Variants in ADAMTS2 observed in about 807,000 individuals in gnomAD.
The protein encoded by ADAMTS2 is A disintegrin and metalloproteinase with thrombospondin motifs 2.
Under a neutral mutation model 123.0 loss-of-function variants are expected in ADAMTS2, and 50 were observed. That is an observed-to-expected ratio of 0.41 (90% CI 0.32 to 0.51). The LOEUF is 0.51. Ranked by LOEUF, ADAMTS2 falls within the 20% of genes least tolerant of loss-of-function variation. ADAMTS2 has a pLI of 0.35. For missense variants in ADAMTS2, 1,494 were observed against 1,705.2 expected (o/e 0.88, Z 2.18); for synonymous variants, 678 against 695.4 (o/e 0.98, Z 0.39).
At chr5:179,318,088 GC>G (rs1291628076) in intron 2 of ADAMTS2, among the ~76,000 whole-genome samples, 1 of 152,120 alleles carries the variant, frequency 6.6e-6, no homozygotes, top group East Asian at 1.9e-4. Context: ...TAGCAAAGAG[GC>G]CCCCCTTGGA....
chr5:179,202,022 C>A lies in ADAMTS2; in HGVS notation c.891+5491G>T, dbSNP rs1358733059. On this transcript the variant is annotated intron_variant, in intron 4 of 21. Transcript: ENST00000251582. This position sits in a 1 kb window ranked among gnomAD's most constrained non-coding sequence, Gnocchi z 4.0. ...CATTTCCAAGCCGCTTCCCTTCTGG[C>A]AAGTCTGAGATGAAAAGGGCAGCTT... Among the ~76,000 whole-genome samples, 1 of 152,132 alleles carries A rather than the reference C, an allele frequency of 6.6e-6. No individual in the cohort carries two copies. The highest frequency in any genetic ancestry group is 1.9e-4 in the East Asian group (1 of 5,200).
intron 3 of ADAMTS2, among the ~76,000 whole-genome samples, chr5:179,207,965 G>A (rs1400709829): frequency 2.6e-5 from 4 of 152,160 alleles, no homozygotes; most frequent in African/African-American, 9.7e-5. Context: ...GCCCCTGGTG[G>A]CAACCCCAGC....
intron 3 of ADAMTS2, among the ~76,000 whole-genome samples, chr5:179,254,469 G>C (rs976162766): frequency 2.0e-5 from 3 of 152,166 alleles, no homozygotes; most frequent in Non-Finnish European, 4.4e-5. Context: ...GATGATGGCT[G>C]CACAACACTG....
At chr5:179,166,583 C>T (rs140623120) in intron 5 of ADAMTS2, among the ~76,000 whole-genome samples, 3 of 149,488 alleles carry the variant, frequency 2.0e-5, no homozygotes, top group South Asian at 2.1e-4. Context: ...TTAGGGGGCC[C>T]GTGGGCCTTG....
chr5:179,343,612 C>A (rs1232287885), intron 2 of ADAMTS2, among the ~76,000 whole-genome samples, 155 bp downstream of exon 2: 1 of 152,260 alleles, frequency 6.6e-6, no homozygotes, highest in Non-Finnish European at 1.5e-5. Flanking sequence ...TCCAGCCAAG[C>A]CCTTCAGTTG....
rs913353793 is a variant in ADAMTS2 at position 179,199,655 on chromosome 5, C to T, written c.891+7858G>A. Among the ~76,000 whole-genome samples, 9 of 152,158 alleles carry T rather than the reference C, an allele frequency of 5.9e-5. 1 individual carries two copies. Among genetic ancestry groups the T allele is most frequent in the Admixed American group, 2.0e-4 (3 of 15,278 alleles). The stretch of plus-strand genomic sequence containing the variant: ...GGGTGCACTCACTCTGCTAGGACCC[C>T]GTACCTGAGGAGCCTCCCCTCGGCA... On this transcript the variant is annotated intron_variant, in intron 4 of 21. Transcript: ENST00000251582.
chr5:179,219,390 CAG>C (rs1765073689), intron 3 of ADAMTS2, among the ~76,000 whole-genome samples: 1 of 152,218 alleles, frequency 6.6e-6, no homozygotes, highest in Admixed American at 6.5e-5. Flanking sequence ...CTTACAAACA[CAG>C]ACACAGCCAA....
chr5:179,301,859 G>A (rs781590178), intron 2 of ADAMTS2, among the ~76,000 whole-genome samples: 6 of 152,250 alleles, frequency 3.9e-5, no homozygotes, highest in African/African-American at 9.6e-5. Flanking sequence ...CCGGAGAGCC[G>A]GTGGCAGCAG....
chr5:179,226,839 A>C (rs547066457), intron 3 of ADAMTS2, among the ~76,000 whole-genome samples: 30 of 152,362 alleles, frequency 2.0e-4, no homozygotes, highest in African/African-American at 6.5e-4. Context: ...CGGCTGCATT[A>C]TAAGAAACGG....
At chr5:179,220,163 G>C (rs1419963361) in intron 3 of ADAMTS2, among the ~76,000 whole-genome samples, 1 of 152,228 alleles carries the variant, frequency 6.6e-6, no homozygotes, top group Non-Finnish European at 1.5e-5. Flanking sequence ...CGATGGAGAG[G>C]CCGGCAGGTC....
intron 2 of ADAMTS2, among the ~76,000 whole-genome samples, chr5:179,320,318 T>C (rs572660203): frequency 6.8e-6 from 1 of 146,078 alleles, no homozygotes; most frequent in Non-Finnish European, 1.5e-5. Flanking sequence ...TTTTTTTGGG[T>C]TTTTTTTGAG....
intron 10 of ADAMTS2, among the ~76,000 whole-genome samples, chr5:179,149,256 C>T (rs1010983647): frequency 1.3e-5 from 2 of 152,108 alleles, no homozygotes; most frequent in Non-Finnish European, 2.9e-5. Flanking sequence ...AGAGAGATGC[C>T]CTCTCTCCCT....
At chr5:179,232,771 C>G (rs72818676) in intron 3 of ADAMTS2, among the ~76,000 whole-genome samples, 35,166 of 143,560 alleles carry the variant, frequency 0.24, 4,389 homozygotes, top group East Asian at 0.35. Context: ...CCACTGCCAG[C>G]ACAATACCTT....
chr5:179,334,363 G>A (rs1008446214), intron 2 of ADAMTS2, among the ~76,000 whole-genome samples: 19 of 152,198 alleles, frequency 1.2e-4, no homozygotes, highest in Non-Finnish European at 2.4e-4. Flanking sequence ...CCCCGGAATC[G>A]CAACACCTCT....
intron 4 of ADAMTS2, among the ~76,000 whole-genome samples, chr5:179,190,751 T>C (rs572886374): frequency 2.0e-5 from 3 of 152,248 alleles, no homozygotes; most frequent in Non-Finnish European, 4.4e-5. Flanking sequence ...GTCATCAAAT[T>C]ACAGGAGGGT....
At position 179,345,432 on chromosome 5, in the gene ADAMTS2, C is replaced by T. The variant is rs997311318; in HGVS notation, c.-104G>A. 11 of 1,001,100 alleles carry T rather than the reference C, an allele frequency of 1.1e-5. No homozygotes were observed. The African/African-American group carries it at 1.7e-4, about 16-fold the overall frequency. The allele number at this position is 1,001,100 out of a possible 1,614,324, so 62.0% of individuals were successfully genotyped here. A position where few individuals can be genotyped will look rare whatever the true frequency, so the allele number is the denominator to read the frequency against. On this transcript the variant is annotated 5_prime_UTR_variant, in exon 1 of 22. Coordinates refer to ENST00000251582, the MANE Select transcript of ADAMTS2 (RefSeq NM_014244.5). This position sits in a 1 kb window ranked among gnomAD's most constrained non-coding sequence, Gnocchi z 7.5. ...GGGCAGCTGGAGCCGCCCGCAGCTG[C>T]AGCACCGCAGGGCGCGGGGCGGAGG...
intron 3 of ADAMTS2, among the ~76,000 whole-genome samples, chr5:179,265,540 G>T (rs371142889): frequency 2.6e-5 from 4 of 152,168 alleles, no homozygotes; most frequent in Admixed American, 1.3e-4. Flanking sequence ...CACAGCCCAG[G>T]GGGTGGGAAG....
chr5:179,289,598 G>T (rs1432706312), intron 2 of ADAMTS2, among the ~76,000 whole-genome samples: 1 of 152,138 alleles, frequency 6.6e-6, no homozygotes, highest in African/African-American at 2.4e-5. Context: ...TGGGAAAAAA[G>T]AGTGAAAGAG....
intron 2 of ADAMTS2, among the ~76,000 whole-genome samples, chr5:179,341,950 G>A (rs933761802): frequency 2.6e-5 from 4 of 152,198 alleles, no homozygotes; most frequent in Middle Eastern, 3.4e-3. Context: ...GCCAACCTGC[G>A]TCTTTTCCAG....
Sources: gnomAD v4.1 joint callset for allele counts (sites outside exome capture counted in the v4.1 genomes callset) on GRCh38, gnomAD v4.1.1 for gene constraint, Gnocchi (gnomAD v3.1) non-coding constraint, MANE v1.5 for transcripts, NCBI Gene and HGNC (gene_info 2026-07-23, HGNC 2026-07-21) for gene names.